Variants in SNX9 observed in about 807,000 individuals in gnomAD.
SNX9 encodes sorting nexin-9.
In SNX9, 44 loss-of-function variants were observed where a neutral mutation model predicts 89.4. That is an observed-to-expected ratio of 0.49 (90% CI 0.39 to 0.63). The LOEUF (loss-of-function observed/expected upper bound fraction) is 0.63. Ranked by LOEUF, SNX9 falls within the 30% of genes least tolerant of loss-of-function variation. The probability of loss-of-function intolerance (pLI) is 0.00; values close to 1 mark genes in which losing one functional copy is unlikely to be tolerated. For missense variants in SNX9, 578 were observed against 736.1 expected (o/e 0.79, Z 2.49); for synonymous variants, 236 against 247.8 (o/e 0.95, Z 0.45).
chr6:157,888,289 A>T (rs1357385019), intron 4 of SNX9, among the ~76,000 whole-genome samples: 2 of 152,182 alleles, frequency 1.3e-5, no homozygotes, highest in Non-Finnish European at 2.9e-5. Flanking sequence ...TGGCTGTATG[A>T]CTTGCATGAT....
chr6:157,826,975 T>C (rs1193612163), intron 1 of SNX9, among the ~76,000 whole-genome samples: 1 of 52,320 alleles, frequency 1.9e-5, no homozygotes, highest in Non-Finnish European at 3.1e-5. Context: ...TATATACATA[T>C]ATATTATAGT....
At chr6:157,909,091 C>G (rs1783280439) in intron 7 of SNX9, among the ~76,000 whole-genome samples, 1 of 152,154 alleles carries the variant, frequency 6.6e-6, no homozygotes, top group Non-Finnish European at 1.5e-5. Flanking sequence ...CAATGACTAT[C>G]AGGCTCTGGC....
At position 157,835,117 on chromosome 6, in the gene SNX9, G is replaced by T. The variant is rs538659998; in HGVS notation, c.12+11671G>T. On this transcript the variant is annotated intron_variant, in intron 1 of 17. Transcript: ENST00000392185. ...AACCTCCACCTCCTGGGTTCAAGCAGTTCTCCTGCCTCAGCCTCCCAGGCA... is the reference window on the plus strand; with the variant it reads ...AACCTCCACCTCCTGGGTTCAAGCATTTCTCCTGCCTCAGCCTCCCAGGCA... Among the ~76,000 whole-genome samples, 4 of 152,024 alleles carry T rather than the reference G, an allele frequency of 2.6e-5. No homozygotes were observed. In the East Asian group the frequency reaches 7.8e-4, roughly 30 times the overall value.
chr6:157,912,293 A>G (rs1313841672), intron 9 of SNX9, among the ~76,000 whole-genome samples: 3 of 152,214 alleles, frequency 2.0e-5, no homozygotes, highest in Admixed American at 1.3e-4. Context: ...TTAATGGCCT[A>G]TTTCAGGCTT....
At chr6:157,935,366 T>C (rs1395312723) in intron 13 of SNX9, among the ~76,000 whole-genome samples, 2 of 152,174 alleles carry the variant, frequency 1.3e-5, no homozygotes, top group Non-Finnish European at 2.9e-5. Context: ...GAACTGGTGG[T>C]GTGTGACTCT....
chr6:157,834,149 GGTTTTTTTTTTTTT>G (rs1370819312), intron 1 of SNX9, among the ~76,000 whole-genome samples: 2 of 60,086 alleles, frequency 3.3e-5, no homozygotes, highest in African/African-American at 6.6e-5. Context: ...TGTCCACTGT[GGTTTTTTTTTTTTT>G]TTTTTTTTTT....
chr6:157,925,484 A>G (rs557752309), intron 10 of SNX9, among the ~76,000 whole-genome samples: 6 of 152,220 alleles, frequency 3.9e-5, no homozygotes, highest in Non-Finnish European at 8.8e-5. Context: ...CTGGATATGT[A>G]CTGAATAGAA....
chr6:157,896,592 C>G (rs1782981700), intron 4 of SNX9, among the ~76,000 whole-genome samples: 1 of 152,162 alleles, frequency 6.6e-6, no homozygotes, highest in African/African-American at 2.4e-5. Context: ...TTTCAAAGTT[C>G]CTAAGCAAAT....
At chr6:157,904,097 T>C (rs572155604) in intron 6 of SNX9, among the ~76,000 whole-genome samples, 1 of 152,324 alleles carries the variant, frequency 6.6e-6, no homozygotes, top group African/African-American at 2.4e-5. Flanking sequence ...ATAAATCTTA[T>C]ACTAGAAAAA....
chr6:157,892,693 C>G (rs1363347788), intron 4 of SNX9: 4 of 152,142 alleles, frequency 2.6e-5, no homozygotes, highest in African/African-American at 9.7e-5. Flanking sequence ...AATAGTTCAC[C>G]TCCAGGTTTT....
At chr6:157,851,704 C>G (rs952400068) in intron 1 of SNX9, among the ~76,000 whole-genome samples, 5 of 152,156 alleles carry the variant, frequency 3.3e-5, no homozygotes, top group Non-Finnish European at 5.9e-5. Flanking sequence ...ATTTTCCTGC[C>G]TCAGCCTCCC....
chr6:157,823,781 C>T lies in SNX9; in HGVS notation c.12+335C>T, dbSNP rs191500483. On this transcript the variant is annotated intron_variant, in intron 1 of 17. Transcript: ENST00000392185. This position sits in a 1 kb window ranked among gnomAD's most constrained non-coding sequence, Gnocchi z 4.6. The stretch of plus-strand genomic sequence containing the variant: ...GAGGGGCCGCGGGACGGAAACTTCC[C>T]GCAGCCCGGGGAGGCCCCCGAGGCG... 4.5e-3 allele frequency among the ~76,000 whole-genome samples: 682 copies of T among 152,140 alleles called. 6 individuals are homozygous for T. The highest frequency in any genetic ancestry group is 0.016 in the African/African-American group (653 of 41,550).
chr6:157,921,766 C>G lies in SNX9; in HGVS notation c.1080+105C>G, dbSNP rs144687072. On this transcript the variant is annotated intron_variant, in intron 10 of 17. Transcript: ENST00000392185. The stretch of plus-strand genomic sequence containing the variant: ...AAAATTATGTTGGTTAGTTATTTCT[C>G]ACTTCCTCCAGTGACAGTGAGGGGA... 4.9e-4 allele frequency: 631 copies of G among 1,291,678 alleles called. 2 individuals are homozygous for G. The African/African-American group carries it at 8.6e-3, about 18-fold the overall frequency. 80.0% of individuals were successfully genotyped at this position (1,291,678 alleles called of 1,614,324 possible). A position where few individuals can be genotyped will look rare whatever the true frequency, so the allele number is the denominator to read the frequency against.
rs145575588 is a variant in SNX9 at position 157,854,550 on chromosome 6, G to A, written c.13-12997G>A. 3.8e-3 allele frequency among the ~76,000 whole-genome samples: 575 copies of A among 152,322 alleles called. 3 individuals carry two copies. Among genetic ancestry groups the A allele is most frequent in the Non-Finnish European group, 4.2e-3 (287 of 68,026 alleles). On this transcript the variant is annotated intron_variant, in intron 1 of 17. Transcript: ENST00000392185. ...TGACTAGTTGTGTACATGCAAACACGTATGGCAAATTTATAACATTTTGAG... is the reference window on the plus strand; with the variant it reads ...TGACTAGTTGTGTACATGCAAACACATATGGCAAATTTATAACATTTTGAG...
intron 4 of SNX9, among the ~76,000 whole-genome samples, chr6:157,875,841 G>C (rs1031391648): frequency 6.6e-6 from 1 of 152,114 alleles, no homozygotes; most frequent in Non-Finnish European, 1.5e-5. Context: ...GAGAAGACAG[G>C]TATCAAAATA....
chr6:157,854,626 TC>T (rs138966319), intron 1 of SNX9, among the ~76,000 whole-genome samples: 4,790 of 152,314 alleles, frequency 0.031, 192 homozygotes, highest in African/African-American at 0.09. Context: ...TAGAAACTGT[TC>T]CTTTTTAACT....
At chr6:157,863,835 A>G (rs919309191) in intron 1 of SNX9, among the ~76,000 whole-genome samples, 4 of 152,218 alleles carry the variant, frequency 2.6e-5, no homozygotes, top group Non-Finnish European at 5.9e-5. Context: ...AAGCTTTAGC[A>G]TCTCTAGGCT....
At chr6:157,878,388 TAGAC>T (rs1485764965) in intron 4 of SNX9, among the ~76,000 whole-genome samples, 1 of 152,120 alleles carries the variant, frequency 6.6e-6, no homozygotes, top group Non-Finnish European at 1.5e-5. Context: ...GAGAAAATAA[TAGAC>T]AGCATTTTTT....
intron 1 of SNX9, among the ~76,000 whole-genome samples, chr6:157,843,566 A>G (rs954098343): frequency 2.6e-5 from 4 of 152,194 alleles, no homozygotes; most frequent in South Asian, 2.1e-4. Flanking sequence ...AGTGGCAGAA[A>G]TAGAAGAAAC....
Sources: allele counts gnomAD v4.1 joint callset (sites outside exome capture counted in the v4.1 genomes callset), GRCh38; gene constraint gnomAD v4.1.1; non-coding constraint Gnocchi (gnomAD v3.1); transcripts MANE v1.5; gene names NCBI Gene and HGNC (gene_info 2026-07-23, HGNC 2026-07-21).